Variants in MLLT10 observed in about 807,000 individuals in gnomAD.
MLLT10 encodes protein AF-10.
A neutral mutation model predicts 129.1 loss-of-function variants in MLLT10; 30 were observed. The observed-to-expected ratio is 0.23, with a 90% CI of 0.17 to 0.32. The LOEUF (loss-of-function observed/expected upper bound fraction) is 0.32, where lower values mean the gene tolerates loss of function less well. Ranked by LOEUF, MLLT10 falls within the 10% of genes least tolerant of loss-of-function variation. The pLI, the probability that MLLT10 is intolerant of heterozygous loss-of-function variation, is 1.00. For missense variants in MLLT10, 1,119 were observed against 1,268.3 expected (o/e 0.88, Z 1.79); for synonymous variants, 490 against 446.4 (o/e 1.10, Z -1.23).
chr10:21,700,869 C>T (rs183861482), intron 13 of MLLT10, among the ~76,000 whole-genome samples: 1 of 152,110 alleles, frequency 6.6e-6, no homozygotes, highest in Non-Finnish European at 1.5e-5. Context: ...GAATTCCCTT[C>T]TCTTGGATTT....
intron 8 of MLLT10, among the ~76,000 whole-genome samples, chr10:21,648,004 ATTTTG>A (rs1202333466): frequency 6.6e-6 from 1 of 151,632 alleles, no homozygotes; most frequent in Non-Finnish European, 1.5e-5. Flanking sequence ...ACCCATCTGG[ATTTTG>A]TTTTATTTTG....
chr10:21,552,982 GT>G (rs891268159), intron 3 of MLLT10, among the ~76,000 whole-genome samples: 2 of 151,596 alleles, frequency 1.3e-5, no homozygotes, highest in Non-Finnish European at 2.9e-5. Flanking sequence ...CATCTGGTCT[GT>G]TTGCTCCTTA....
intron 9 of MLLT10, among the ~76,000 whole-genome samples, chr10:21,663,829 G>T (rs2050464690): frequency 6.6e-6 from 1 of 152,126 alleles, no homozygotes; most frequent in South Asian, 2.1e-4. Context: ...ACCTCCCAAA[G>T]TGCTGGAATT....
chr10:21,724,764 C>T (rs2057360863), intron 14 of MLLT10, among the ~76,000 whole-genome samples: 1 of 152,210 alleles, frequency 6.6e-6, no homozygotes, highest in South Asian at 2.1e-4. Context: ...AGAGCATGCA[C>T]ATCAAAGAAA....
At chr10:21,550,293 C>G (rs1331637490) in intron 3 of MLLT10, among the ~76,000 whole-genome samples, 1 of 152,160 alleles carries the variant, frequency 6.6e-6, no homozygotes, top group East Asian at 1.9e-4. Flanking sequence ...ACATCTGGAG[C>G]AAGCATCTAA....
chr10:21,564,958 G>A (rs1296076741), intron 3 of MLLT10, among the ~76,000 whole-genome samples: 5 of 152,130 alleles, frequency 3.3e-5, no homozygotes, highest in Non-Finnish European at 7.3e-5. Flanking sequence ...AGTTTTAACA[G>A]TTATTACAGA....
chr10:21,607,899 T>C (rs1343979098), intron 5 of MLLT10, among the ~76,000 whole-genome samples: 4 of 152,150 alleles, frequency 2.6e-5, no homozygotes, highest in African/African-American at 9.6e-5. Context: ...TTCTTTTTTG[T>C]CACATCTGGA....
chr10:21,585,535 T>G (rs1176785422), intron 3 of MLLT10, among the ~76,000 whole-genome samples: 7 of 152,180 alleles, frequency 4.6e-5, no homozygotes, highest in African/African-American at 1.7e-4. Context: ...TAAATTAAAA[T>G]TCTAAATTCT....
At chr10:21,687,493 T>G (rs1301891053) in intron 13 of MLLT10, among the ~76,000 whole-genome samples, 1 of 152,202 alleles carries the variant, frequency 6.6e-6, no homozygotes, top group African/African-American at 2.4e-5. Flanking sequence ...AGAATCTAGC[T>G]CATTCTAAAT....
At chr10:21,695,738 C>T (rs993492998) in intron 13 of MLLT10, among the ~76,000 whole-genome samples, 2 of 152,100 alleles carry the variant, frequency 1.3e-5, no homozygotes, top group Middle Eastern at 3.2e-3. Flanking sequence ...TATATCCCTT[C>T]AGAAAAGTTT....
rs770873321 is a variant in MLLT10, at chr10:21,733,579, C to T, written c.2483C>T (p.Pro828Leu). The change falls in exon 19 of 23, where the codon CCT (proline) becomes CTT (leucine). Residue 828 changes from proline (P) to leucine (L), a missense_variant. Physicochemically the swap from Pro to Leu is moderately conservative, Grantham distance 98. Coordinates refer to ENST00000307729, the MANE Select transcript of MLLT10 (RefSeq NM_001195626.3). Reference sequence around the variant, plus strand: ...AGCTTTTTACCTGATAATTCTCTTCCTGTATTAAATCAGGTAATTTTTGTA... The same window carrying T: ...AGCTTTTTACCTGATAATTCTCTTCTTGTATTAAATCAGGTAATTTTTGTA... ...GNSFLPDNSLPVLNQDLTSSG... is the reference protein window; with the variant it reads ...GNSFLPDNSLLVLNQDLTSSG... The T allele has an allele frequency of 6.4e-7, 1 of 1,564,374 alleles. No individual in the cohort carries two copies.
chr10:21,682,165 ATTTCT>A, intron 12 of MLLT10, 55 bp from the exon 13 acceptor site: 1 of 1,423,088 alleles, frequency 7.0e-7, no homozygotes, highest in Non-Finnish European at 9.8e-7. Context: ...ATGGCTATGT[ATTTCT>A]TTTGTGTGTT....
At chr10:21,663,667 C>A (rs2050444115) in intron 9 of MLLT10, among the ~76,000 whole-genome samples, 1 of 152,102 alleles carries the variant, frequency 6.6e-6, no homozygotes. Flanking sequence ...CAGGTTCACA[C>A]CATTTTCCTG....
At chr10:21,637,234 G>T (rs1057118375) in intron 8 of MLLT10, among the ~76,000 whole-genome samples, 19 of 152,280 alleles carry the variant, frequency 1.2e-4, no homozygotes, top group African/African-American at 3.8e-4. Context: ...ATGTGCTTCA[G>T]CTTCCTACCT....
chr10:21,629,576 A>G (rs2046814132), intron 8 of MLLT10, among the ~76,000 whole-genome samples: 1 of 152,238 alleles, frequency 6.6e-6, no homozygotes, highest in Non-Finnish European at 1.5e-5. Flanking sequence ...CCTGAAATAA[A>G]TAATAGTTGA....
intron 5 of MLLT10, among the ~76,000 whole-genome samples, chr10:21,601,816 T>C (rs1253335198): frequency 6.6e-6 from 1 of 152,200 alleles, no homozygotes; most frequent in African/African-American, 2.4e-5. Context: ...CTGGGATTAC[T>C]GTCAGCCACT....
chr10:21,620,342 AACAG>A (rs1296351042), intron 8 of MLLT10, among the ~76,000 whole-genome samples: 1 of 152,194 alleles, frequency 6.6e-6, no homozygotes, highest in Non-Finnish European at 1.5e-5. Flanking sequence ...GTATTTTTAA[AACAG>A]ACAGTTCCCA....
At chr10:21,707,970 C>T (rs2055690308) in intron 13 of MLLT10, among the ~76,000 whole-genome samples, 1 of 152,152 alleles carries the variant, frequency 6.6e-6, no homozygotes, top group South Asian at 2.1e-4. Context: ...TTCTTGCTTC[C>T]TAGTATTTCA....
At chr10:21,685,776 A>C (rs974515010) in intron 13 of MLLT10, among the ~76,000 whole-genome samples, 1 of 152,248 alleles carries the variant, frequency 6.6e-6, no homozygotes. Flanking sequence ...AGTCCAATAC[A>C]AAGTTTAATT....
Sources: gnomAD v4.1 joint callset for allele counts (sites outside exome capture counted in the v4.1 genomes callset) on GRCh38, gnomAD v4.1.1 for gene constraint, MANE v1.5 for transcripts, NCBI Gene and HGNC (gene_info 2026-07-23, HGNC 2026-07-21) for gene names.